DPP6: variants seen among roughly 807,000 people sequenced by gnomAD.
The protein encoded by DPP6 is A-type potassium channel modulatory protein DPP6.
In DPP6, 69 loss-of-function variants were observed where a neutral mutation model predicts 122.6. The ratio of observed to expected loss-of-function variants is 0.56; its 90% CI spans 0.46 to 0.69. The LOEUF (loss-of-function observed/expected upper bound fraction) is 0.69, where lower values mean the gene tolerates loss of function less well. Ranked by LOEUF, DPP6 falls within the 30% of genes least tolerant of loss-of-function variation. The probability of loss-of-function intolerance (pLI) is 0.00; values close to 1 mark genes in which losing one functional copy is unlikely to be tolerated. For missense variants in DPP6, 928 were observed against 1,116.9 expected, an observed-to-expected ratio of 0.83 and a Z score of 2.41; for synonymous variants, 418 against 433.1, an observed-to-expected ratio of 0.97 and a Z score of 0.43.
At chr7:153,935,258 G>A (rs139687011) in intron 1 of DPP6, among the ~76,000 whole-genome samples, 64 of 151,906 alleles carry the variant, frequency 4.2e-4, no homozygotes, top group African/African-American at 1.4e-3. Context: ...GGGGGGGGAC[G>A]TGCCCGGTAG....
chr7:154,311,186 G>T (rs1399839213), intron 1 of DPP6, among the ~76,000 whole-genome samples: 3 of 152,144 alleles, frequency 2.0e-5, no homozygotes, highest in Non-Finnish European at 4.4e-5. Context: ...CTTAAATCAT[G>T]GAAGTAGGTA....
At chr7:154,784,965 ATCTTAT>A (rs1239731508) in intron 10 of DPP6, among the ~76,000 whole-genome samples, 2 of 151,972 alleles carry the variant, frequency 1.3e-5, no homozygotes, top group African/African-American at 2.4e-5. Flanking sequence ...GAAAAAAAAT[ATCTTAT>A]TCTTATGAAC....
intron 3 of DPP6, among the ~76,000 whole-genome samples, chr7:154,533,517 A>G (rs1026599098): frequency 1.3e-5 from 2 of 152,226 alleles, no homozygotes; most frequent in African/African-American, 4.8e-5. Flanking sequence ...TAAGGCAAAA[A>G]TAATAAAAAC....
intron 3 of DPP6, among the ~76,000 whole-genome samples, chr7:154,525,773 G>A (rs1460826870): frequency 7.2e-6 from 1 of 137,990 alleles, no homozygotes; most frequent in Non-Finnish European, 1.6e-5. Flanking sequence ...TTTGAGTTTT[G>A]CTTCTTGTAC....
chr7:154,772,897 C>G lies in DPP6; in HGVS notation c.1091C>G (p.Pro364Arg), dbSNP rs756673341. The G allele has an allele frequency of 5.6e-6, 9 of 1,612,936 alleles. No homozygotes were observed. Among genetic ancestry groups the G allele is most frequent in the Non-Finnish European group, 7.6e-6 (9 of 1,179,550 alleles). Residue 364 changes from proline (P) to arginine (R), a missense_variant, in exon 10 of 26, where the codon CCC becomes CGC. Physicochemically the swap from Pro to Arg is moderately radical, Grantham distance 103 (BLOSUM62 -2). Coordinates refer to ENST00000377770, the MANE Select transcript of DPP6 (RefSeq NM_130797.4). Reference protein sequence around the residue: ...ISLHVIGLNGPTHDLEMMPPD... With the variant: ...ISLHVIGLNGRTHDLEMMPPD... Reference sequence around the variant, plus strand: ...CTACACGTTATTGGCTTAAATGGACCCACCCATGATCTGGAGATGATGCCG... The same window carrying G: ...CTACACGTTATTGGCTTAAATGGACGCACCCATGATCTGGAGATGATGCCG...
rs530801402 is a variant in DPP6 at position 154,060,065 on chromosome 7, C to G, written c.243+7002C>G. Among the ~76,000 whole-genome samples, 203 of 150,482 alleles carry G rather than the reference C, an allele frequency of 1.3e-3. 2 individuals are homozygous for G. Among genetic ancestry groups the G allele is most frequent in the African/African-American group, 4.6e-3 (191 of 41,180 alleles). On this transcript the variant is annotated intron_variant, in intron 1 of 25. Transcript: ENST00000377770. ...GACTCAGAGCCAACCCCTCTTCCCC[C>G]CCTGGCTCTTGGGACCACCATCGCA...
chr7:154,608,813 C>T (rs920536956), intron 5 of DPP6, among the ~76,000 whole-genome samples: 4 of 152,152 alleles, frequency 2.6e-5, no homozygotes, highest in South Asian at 2.1e-4. Context: ...TAATCGTTGA[C>T]AACTACCCCT....
At chr7:154,740,630 T>C (rs1482080801) in intron 8 of DPP6, among the ~76,000 whole-genome samples, 1 of 152,186 alleles carries the variant, frequency 6.6e-6, no homozygotes, top group Non-Finnish European at 1.5e-5. Flanking sequence ...ACAGCGTTGA[T>C]GGTATGAAGT....
At chr7:153,860,145 G>A in the DPP6 span, among the ~76,000 whole-genome samples, 198 of 152,270 alleles carry the variant, frequency 1.3e-3, 3 homozygotes, top group African/African-American at 4.2e-3. Context: ...GCCAAAGCCT[G>A]CACCATCTAT....
intron 6 of DPP6, 136 bp from the exon 7 acceptor site, chr7:154,669,224 C>G (rs1838391272): frequency 7.4e-7 from 1 of 1,345,216 alleles, no homozygotes; most frequent in African/African-American, 1.5e-5. Flanking sequence ...CTTAGTAACA[C>G]AAGAGACAAG....
At chr7:154,793,657 CT>C in intron 10 of DPP6, 1 of 155,398 alleles carries the variant, frequency 6.4e-6, no homozygotes, top group Non-Finnish European at 1.4e-5. Flanking sequence ...CCCGCCAGCC[CT>C]TTTCCGGTTC....
intron 1 of DPP6, among the ~76,000 whole-genome samples, chr7:154,127,375 T>A (rs555621031): frequency 3.9e-5 from 6 of 152,230 alleles, no homozygotes; most frequent in African/African-American, 1.4e-4. Context: ...TAGGTATAGA[T>A]TAAAATCTGT....
the DPP6 span, among the ~76,000 whole-genome samples, chr7:153,756,905 G>C: frequency 6.6e-6 from 1 of 152,060 alleles, no homozygotes; most frequent in Admixed American, 6.6e-5. Context: ...TCATACATAA[G>C]TTAAGTTTCC....
chr7:153,938,098 A>G (rs1348083385), intron 1 of DPP6, among the ~76,000 whole-genome samples: 1 of 152,200 alleles, frequency 6.6e-6, no homozygotes, highest in Non-Finnish European at 1.5e-5. Flanking sequence ...CTCTCTGAAG[A>G]ATATGATGAG....
chr7:154,200,450 C>T (rs1285153421), intron 1 of DPP6, among the ~76,000 whole-genome samples: 2 of 152,124 alleles, frequency 1.3e-5, no homozygotes, highest in Non-Finnish European at 2.9e-5. Context: ...AGGGTGAGAA[C>T]CGCCGGGTGG....
chr7:154,869,058 T>G lies in DPP6; in HGVS notation c.1813+965T>G, dbSNP rs559989270. 3.9e-5 allele frequency among the ~76,000 whole-genome samples: 6 copies of G among 152,310 alleles called. No homozygotes were observed. In the South Asian group the frequency reaches 1.2e-3, roughly 32 times the overall value. On this transcript the variant is annotated intron_variant, in intron 18 of 25. Transcript: ENST00000377770. ...ACTGATAGTAACTGCAGGAGCTCTT[T>G]GTTGAAAGGGAAGGTTTCCAGAGCT...
intron 1 of DPP6, among the ~76,000 whole-genome samples, chr7:154,030,115 C>T (rs900843661): frequency 4.6e-5 from 7 of 152,236 alleles, no homozygotes; most frequent in African/African-American, 1.7e-4. Flanking sequence ...AGGATCACTC[C>T]AGCTCAAGAG....
the DPP6 span, among the ~76,000 whole-genome samples, chr7:153,776,708 C>A: frequency 6.6e-6 from 1 of 152,082 alleles, no homozygotes; most frequent in Non-Finnish European, 1.5e-5. Flanking sequence ...GTCTTTCCAA[C>A]AAATGGTGCT....
chr7:154,655,194 A>G (rs777713757), intron 6 of DPP6, among the ~76,000 whole-genome samples: 67 of 152,148 alleles, frequency 4.4e-4, no homozygotes, highest in Admixed American at 1.9e-3. Context: ...CAGGAAAGCA[A>G]TTGTTAGGTT....
Sources: allele counts gnomAD v4.1 joint callset (sites outside exome capture counted in the v4.1 genomes callset), GRCh38; gene constraint gnomAD v4.1.1; transcripts MANE v1.5; gene names NCBI Gene and HGNC (gene_info 2026-07-23, HGNC 2026-07-21).